The following DACH1 variants were observed in gnomAD, a reference collection of about 807,000 sequenced individuals.
DACH1 encodes the protein dachshund family transcription factor 1.
Under a neutral mutation model 54.2 loss-of-function variants are expected in DACH1, and 12 were observed. That is an observed-to-expected ratio of 0.22 (90% CI 0.14 to 0.36). The LOEUF is 0.36. Ranked by LOEUF, DACH1 falls within the 10% of genes least tolerant of loss-of-function variation. The probability of loss-of-function intolerance (pLI) is 1.00; values close to 1 mark genes in which losing one functional copy is unlikely to be tolerated. For missense variants in DACH1, 805 were observed against 929.8 expected, an observed-to-expected ratio of 0.87 and a Z score of 1.75; for synonymous variants, 386 against 366.2, an observed-to-expected ratio of 1.05 and a Z score of -0.62.
intron 2 of DACH1, among the ~76,000 whole-genome samples, chr13:71,635,720 C>T (rs376782579): frequency 8.2e-4 from 125 of 152,166 alleles, no homozygotes; most frequent in African/African-American, 2.9e-3. Context: ...GCTACCCTCC[C>T]CCCTCTTCCA....
chr13:71,528,112 T>G (rs1882133534), intron 6 of DACH1, among the ~76,000 whole-genome samples: 1 of 152,146 alleles, frequency 6.6e-6, no homozygotes, highest in South Asian at 2.1e-4. Context: ...ACATTTTCAA[T>G]TAGTTTTCAA....
chr13:71,480,980 C>G (rs1877979953), intron 7 of DACH1, among the ~76,000 whole-genome samples: 1 of 152,202 alleles, frequency 6.6e-6, no homozygotes, highest in East Asian at 1.9e-4. Context: ...TAAAACATAG[C>G]TGCTAAGGAA....
At chr13:71,756,261 T>C (rs938409385) in intron 1 of DACH1, among the ~76,000 whole-genome samples, 4 of 151,912 alleles carry the variant, frequency 2.6e-5, no homozygotes, top group African/African-American at 7.3e-5. Context: ...GCCAGGATGG[T>C]CTTGATCTCC....
chr13:71,653,598 C>T (rs879654034), intron 2 of DACH1, among the ~76,000 whole-genome samples: 2 of 152,142 alleles, frequency 1.3e-5, no homozygotes, highest in Non-Finnish European at 2.9e-5. Flanking sequence ...CCTTACAGTG[C>T]TTTTCCTTCC....
At chr13:71,513,853 C>T (rs573923002) in intron 6 of DACH1, among the ~76,000 whole-genome samples, 1 of 152,176 alleles carries the variant, frequency 6.6e-6, no homozygotes, top group African/African-American at 2.4e-5. Context: ...TTACCTTTTC[C>T]CTCTAGGCCC....
intron 3 of DACH1, among the ~76,000 whole-genome samples, chr13:71,586,444 C>T (rs948222730): frequency 2.0e-5 from 3 of 152,022 alleles, no homozygotes; most frequent in African/African-American, 4.8e-5. Context: ...GTATATCACA[C>T]GGCACTTCAA....
rs74614195 is a variant in DACH1 at position 71,522,559 on chromosome 13, A to G, written c.1571-33411T>C. 5.9e-3 allele frequency among the ~76,000 whole-genome samples: 893 copies of G among 152,158 alleles called. 11 individuals carry two copies. Among genetic ancestry groups the G allele is most frequent in the African/African-American group, 0.02 (848 of 41,530 alleles). ...CTCTGGAGGCTGAGGAGGGAGGATC[A>G]CTTCCAGTGCATACATGTTGATTTC... On this transcript the variant is annotated intron_variant, in intron 6 of 10. Coordinates refer to ENST00000613252, the MANE Select transcript of DACH1 (RefSeq NM_080759.6).
chr13:71,587,107 G>C (rs1039334707), intron 3 of DACH1, among the ~76,000 whole-genome samples: 1 of 152,034 alleles, frequency 6.6e-6, no homozygotes, highest in African/African-American at 2.4e-5. Context: ...CAAACTCCAA[G>C]TGTTTTATCC....
chr13:71,863,843 A>G, intron 1 of DACH1, among the ~76,000 whole-genome samples: 1 of 149,598 alleles, frequency 6.7e-6, no homozygotes. Context: ...TGCTGTAAGA[A>G]ACACATAAAG....
chr13:71,552,836 TATATATAGAGAGAG>T (rs1230217843), intron 6 of DACH1, among the ~76,000 whole-genome samples: 13 of 27,164 alleles, frequency 4.8e-4, no homozygotes, highest in African/African-American at 1.1e-3. Context: ...TATATATATA[TATATATAGAGAGAG>T]AGAGAGAGAG....
intron 3 of DACH1, among the ~76,000 whole-genome samples, chr13:71,598,557 G>A (rs541709789): frequency 6.6e-5 from 10 of 152,094 alleles, no homozygotes; most frequent in South Asian, 2.1e-4. Flanking sequence ...CCGGCCTGAC[G>A]CTTATTTTTT....
intron 9 of DACH1, among the ~76,000 whole-genome samples, 200 bp from the exon 10 acceptor site, chr13:71,475,409 G>C (rs1877428312): frequency 6.6e-6 from 1 of 152,166 alleles, no homozygotes; most frequent in Non-Finnish European, 1.5e-5. Flanking sequence ...GTTCATAAAA[G>C]AGGATGGGGT....
At chr13:71,670,138 C>A (rs1432308614) in intron 2 of DACH1, among the ~76,000 whole-genome samples, 1 of 151,814 alleles carries the variant, frequency 6.6e-6, no homozygotes, top group Admixed American at 6.6e-5. Flanking sequence ...CTGTATATAT[C>A]TTCAGCCATA....
chr13:71,566,543 T>C lies in DACH1; in HGVS notation c.1299+6297A>G, dbSNP rs1331373784. 2.0e-5 allele frequency among the ~76,000 whole-genome samples: 3 copies of C among 152,190 alleles called. No individual in the cohort carries two copies. In the East Asian group the frequency reaches 5.8e-4, roughly 29 times the overall value. ...CAGGAAAAATGCTTGATCCCTTCCATGTATTTATCTTTAAGCCTTTATTGT... is the reference window on the plus strand; with the variant it reads ...CAGGAAAAATGCTTGATCCCTTCCACGTATTTATCTTTAAGCCTTTATTGT... On this transcript the variant is annotated intron_variant, in intron 4 of 10. Transcript: ENST00000613252.
intron 6 of DACH1, among the ~76,000 whole-genome samples, chr13:71,497,918 A>G (rs895362750): frequency 6.6e-6 from 1 of 151,950 alleles, no homozygotes; most frequent in Non-Finnish European, 1.5e-5. Context: ...ACAGACACAC[A>G]CACACATACA....
chr13:71,689,509 G>A (rs1473341255), intron 1 of DACH1, among the ~76,000 whole-genome samples: 2 of 152,016 alleles, frequency 1.3e-5, no homozygotes, highest in Non-Finnish European at 2.9e-5. Context: ...TAAAAGCATC[G>A]TTAACAAAAA....
At chr13:71,659,331 G>T (rs898681036) in intron 2 of DACH1, among the ~76,000 whole-genome samples, 1 of 152,074 alleles carries the variant, frequency 6.6e-6, no homozygotes, top group Non-Finnish European at 1.5e-5. Flanking sequence ...CTAATAGAAG[G>T]TTATGAATTT....
chr13:71,573,267 T>A, intron 3 of DACH1: 1 of 609,030 alleles, frequency 1.6e-6, no homozygotes, highest in South Asian at 2.1e-5. Context: ...ATAATCAGTC[T>A]GAATCTTGCT....
intron 6 of DACH1, among the ~76,000 whole-genome samples, chr13:71,504,347 C>T (rs1437691994): frequency 2.0e-5 from 3 of 152,058 alleles, no homozygotes; most frequent in Non-Finnish European, 2.9e-5. Context: ...TATCTGCATT[C>T]ATTAAAGTAT....
Sources: gnomAD v4.1 joint callset for allele counts (sites outside exome capture counted in the v4.1 genomes callset) on GRCh38, gnomAD v4.1.1 for gene constraint, MANE v1.5 for transcripts, NCBI Gene and HGNC (gene_info 2026-07-23, HGNC 2026-07-21) for gene names.